The following DPP6 variants were observed in gnomAD, a reference collection of about 807,000 sequenced individuals.
The protein encoded by DPP6 is dipeptidyl peptidase like 6.
Under a neutral mutation model 122.6 loss-of-function variants are expected in DPP6, and 69 were observed. The observed-to-expected ratio is 0.56, with a 90% CI of 0.46 to 0.69. The LOEUF (loss-of-function observed/expected upper bound fraction) is 0.69, where lower values mean the gene tolerates loss of function less well. DPP6 is among the 30% of genes least tolerant of loss of function. The pLI is 0.00. For synonymous variants in DPP6, 418 were observed against 433.1 expected, an observed-to-expected ratio of 0.97 and a Z score of 0.43; for missense variants, 928 against 1,116.9, an observed-to-expected ratio of 0.83 and a Z score of 2.41.
rs201170928 is a variant in DPP6, at chr7:154,778,562, C to G, written c.1136+5620C>G. On this transcript the variant is annotated intron_variant, in intron 10 of 25. Transcript: ENST00000377770. ...ATACCTAATGGCTTGAGCACCCCCC[C>G]CCAAAAAAAACCACCACCATCATCA... Among the ~76,000 whole-genome samples, 392 of 151,300 alleles carry G rather than the reference C, an allele frequency of 2.6e-3. 5 individuals carry two copies. Among genetic ancestry groups the G allele is most frequent in the African/African-American group, 9.0e-3 (366 of 40,768 alleles).
chr7:154,547,325 G>C (rs1027830669), intron 4 of DPP6, among the ~76,000 whole-genome samples: 1 of 152,236 alleles, frequency 6.6e-6, no homozygotes, highest in Non-Finnish European at 1.5e-5. Flanking sequence ...CTGGCAGCTC[G>C]TGATGCCCAC....
chr7:153,838,932 C>T, the DPP6 span, among the ~76,000 whole-genome samples: 2 of 152,128 alleles, frequency 1.3e-5, no homozygotes, highest in East Asian at 1.9e-4. Context: ...TATTCAGTAC[C>T]CAACACCAGT....
At chr7:154,066,198 T>C (rs1025362466) in intron 1 of DPP6, among the ~76,000 whole-genome samples, 1 of 152,090 alleles carries the variant, frequency 6.6e-6, no homozygotes, top group African/African-American at 2.4e-5. Flanking sequence ...TAGCTGGGAT[T>C]ACAGGCACAC....
At chr7:154,175,030 G>A (rs1230839419) in intron 1 of DPP6, among the ~76,000 whole-genome samples, 2 of 151,482 alleles carry the variant, frequency 1.3e-5, no homozygotes, top group African/African-American at 4.9e-5. Context: ...CCTGCAACAC[G>A]CGCCCCCCAC....
intron 1 of DPP6, among the ~76,000 whole-genome samples, chr7:154,122,866 C>T (rs2150610254): frequency 6.6e-6 from 1 of 152,408 alleles, no homozygotes; most frequent in Admixed American, 6.5e-5. Flanking sequence ...TTGACCATCA[C>T]CCTCTTCCCT....
intron 1 of DPP6, among the ~76,000 whole-genome samples, chr7:154,297,070 T>TG (rs995730739): frequency 2.2e-5 from 3 of 138,874 alleles, no homozygotes; most frequent in Admixed American, 6.9e-5. Flanking sequence ...TCTGTTTTTT[T>TG]TTTTTTGTTT....
chr7:154,021,128 C>G (rs561510912), intron 1 of DPP6, among the ~76,000 whole-genome samples: 1 of 152,254 alleles, frequency 6.6e-6, no homozygotes, highest in Non-Finnish European at 1.5e-5. Context: ...GGACCCATCC[C>G]ATCATCAGCG....
At chr7:153,778,779 T>C in the DPP6 span, among the ~76,000 whole-genome samples, 2 of 151,676 alleles carry the variant, frequency 1.3e-5, no homozygotes, top group Non-Finnish European at 2.9e-5. Flanking sequence ...AGTTTGTCAG[T>C]TTCTTGTAAA....
At chr7:154,640,182 G>T (rs1835981018) in intron 6 of DPP6, among the ~76,000 whole-genome samples, 1 of 152,118 alleles carries the variant, frequency 6.6e-6, no homozygotes, top group Admixed American at 6.5e-5. Flanking sequence ...AACCTGGGAG[G>T]CTAGAGGTTG....
chr7:153,809,863 A>G, the DPP6 span, among the ~76,000 whole-genome samples: 1 of 139,148 alleles, frequency 7.2e-6, no homozygotes, highest in Non-Finnish European at 1.6e-5. Context: ...ACATGAGTTA[A>G]TTGATGTGAG....
rs1795510994 is a variant in DPP6, at chr7:154,760,969, G to A, written c.884-8448G>A. 1.3e-5 allele frequency among the ~76,000 whole-genome samples: 2 copies of A among 151,802 alleles called. No individual in the cohort carries two copies. Among genetic ancestry groups the A allele is most frequent in the South Asian group, 2.1e-4 (1 of 4,812 alleles). On this transcript the variant is annotated intron_variant, in intron 8 of 25. Transcript: ENST00000377770. This position sits in a 1 kb window ranked among gnomAD's most constrained non-coding sequence, Gnocchi z 4.5. ...CCTGCCTCAGCCTCCCGGATAGCTG[G>A]GACTACAGGCGCCTGCCACCATGCC... is the stretch of plus-strand genomic sequence containing the variant.
intron 1 of DPP6, among the ~76,000 whole-genome samples, chr7:154,046,775 C>G (rs1309275635): frequency 6.6e-6 from 1 of 152,208 alleles, no homozygotes; most frequent in Non-Finnish European, 1.5e-5. Flanking sequence ...TTCTGGCCGA[C>G]AAGCCTTCTC....
At chr7:153,927,043 C>T (rs1369754838) in intron 1 of DPP6, among the ~76,000 whole-genome samples, 1 of 150,728 alleles carries the variant, frequency 6.6e-6, no homozygotes, top group African/African-American at 2.4e-5. Flanking sequence ...ATTGGCTGGG[C>T]ATGGTGACTT....
chr7:154,757,435 C>A (rs1795200879), intron 8 of DPP6, among the ~76,000 whole-genome samples: 1 of 152,236 alleles, frequency 6.6e-6, no homozygotes, highest in Non-Finnish European at 1.5e-5. Flanking sequence ...AGCCCTCCTG[C>A]CTCACTTGGA....
intron 1 of DPP6, among the ~76,000 whole-genome samples, chr7:154,352,086 G>A (rs1361964911): frequency 1.3e-5 from 2 of 152,122 alleles, no homozygotes; most frequent in African/African-American, 4.8e-5. Flanking sequence ...CCCTGCTGCA[G>A]AGCTGCTTCC....
intron 1 of DPP6, among the ~76,000 whole-genome samples, chr7:153,945,422 G>A (rs934671521): frequency 1.3e-5 from 2 of 152,146 alleles, no homozygotes; most frequent in Admixed American, 6.5e-5. Flanking sequence ...AAGAATGGCT[G>A]CTTGGACTAC....
At chr7:154,648,552 G>A (rs1038544345) in intron 6 of DPP6, among the ~76,000 whole-genome samples, 1 of 152,094 alleles carries the variant, frequency 6.6e-6, no homozygotes, top group African/African-American at 2.4e-5. Context: ...GATAGTGGTG[G>A]GAAGAGCATA....
At chr7:154,802,940 C>T (rs1026111100) in intron 13 of DPP6, among the ~76,000 whole-genome samples, 13 of 152,128 alleles carry the variant, frequency 8.5e-5, no homozygotes, top group Non-Finnish European at 1.5e-4. Context: ...CCCTATCAAA[C>T]ATTCCAGCAG....
In DPP6 at chr7:154,637,935, A is replaced by T; in HGVS notation, c.680+62A>T. Reference sequence around the variant, plus strand: ...TGCAGGGCAAAGTGAAGGGTAGAACATGGACGAGCTGTTTAACCCTTAGGG... The same window carrying T: ...TGCAGGGCAAAGTGAAGGGTAGAACTTGGACGAGCTGTTTAACCCTTAGGG... On this transcript the variant is annotated intron_variant, in intron 6 of 25. Coordinates refer to ENST00000377770, the MANE Select transcript of DPP6 (RefSeq NM_130797.4). 3 of 1,525,726 alleles carry T rather than the reference A, an allele frequency of 2.0e-6. No individual in the cohort carries two copies. In the Middle Eastern group the frequency reaches 5.1e-4, roughly 257 times the overall value. 94.5% of individuals were successfully genotyped at this position (1,525,726 alleles called of 1,614,324 possible).
Sources: allele counts gnomAD v4.1 joint callset (sites outside exome capture counted in the v4.1 genomes callset), GRCh38; gene constraint gnomAD v4.1.1; non-coding constraint Gnocchi (gnomAD v3.1); transcripts MANE v1.5; gene names NCBI Gene and HGNC (gene_info 2026-07-23, HGNC 2026-07-21).